Variants in ITGBL1 observed in about 807,000 individuals in gnomAD.
ITGBL1 encodes integrin beta-like protein 1.
A neutral mutation model predicts 68.5 loss-of-function variants in ITGBL1; 51 were observed. That is an observed-to-expected ratio of 0.74 (90% CI 0.59 to 0.94). The LOEUF is 0.94. ITGBL1 is among the 40% of genes least tolerant of loss of function. ITGBL1 has a pLI of 0.00. For missense variants in ITGBL1, 649 were observed against 647.4 expected (o/e 1.00, Z -0.03); for synonymous variants, 209 against 227.3 (o/e 0.92, Z 0.72).
At chr13:101,551,837 G>T (rs1025045135) in intron 2 of ITGBL1, among the ~76,000 whole-genome samples, 2 of 152,158 alleles carry the variant, frequency 1.3e-5, no homozygotes, top group Non-Finnish European at 2.9e-5. Flanking sequence ...TATCTAGAAT[G>T]ATTAAAAATG....
At chr13:101,597,419 CAAAAAAAAAA>C (rs35737952) in intron 6 of ITGBL1, among the ~76,000 whole-genome samples, 1 of 127,250 alleles carries the variant, frequency 7.9e-6, no homozygotes, top group South Asian at 2.5e-4. Context: ...GTCTAAAAAG[CAAAAAAAAAA>C]AAAAAAAAAA....
intron 2 of ITGBL1, among the ~76,000 whole-genome samples, chr13:101,520,847 G>T: frequency 6.6e-6 from 1 of 152,170 alleles, no homozygotes; most frequent in East Asian, 1.9e-4. Flanking sequence ...CATACTAGAG[G>T]CCAGATGTGC....
intron 2 of ITGBL1, among the ~76,000 whole-genome samples, chr13:101,464,918 G>A (rs2048363528): frequency 6.6e-6 from 1 of 152,136 alleles, no homozygotes; most frequent in South Asian, 2.1e-4. Context: ...TTGATATAAA[G>A]GTTGCTTGGG....
At position 101,598,231 on chromosome 13, in the gene ITGBL1, G is replaced by T; in HGVS notation, c.947G>T (p.Cys316Phe). Reference protein sequence around the residue: ...YGKKCEHPQSCTLSAEESIRK... With the variant: ...YGKKCEHPQSFTLSAEESIRK... Reference sequence around the variant, plus strand: ...AAGAAGTGTGAGCACCCACAGTCCTGCACGCTGTCAGCTGAGGAGAGCATC... The same window carrying T: ...AAGAAGTGTGAGCACCCACAGTCCTTCACGCTGTCAGCTGAGGAGAGCATC... Residue 316 changes from cysteine to phenylalanine, a missense_variant, in exon 7 of 11, where the codon TGC (cysteine) becomes TTC (phenylalanine). By Grantham distance (205) the Cys-to-Phe change is radical. Coordinates refer to ENST00000376180, the MANE Select transcript of ITGBL1 (RefSeq NM_004791.3). 2 of 1,613,818 alleles carry T rather than the reference G, an allele frequency of 1.2e-6. No homozygotes were observed. The highest frequency in any genetic ancestry group is 1.1e-5 in the South Asian group (1 of 91,056).
intron 7 of ITGBL1, among the ~76,000 whole-genome samples, chr13:101,663,853 C>G (rs1222606038): frequency 1.3e-5 from 2 of 152,104 alleles, no homozygotes; most frequent in African/African-American, 4.8e-5. Context: ...TGAAAGAACA[C>G]CACAAAATAT....
chr13:101,533,604 T>A (rs913590071), intron 2 of ITGBL1, among the ~76,000 whole-genome samples: 1 of 152,236 alleles, frequency 6.6e-6, no homozygotes, highest in Non-Finnish European at 1.5e-5. Context: ...AACTTTTTGA[T>A]TAGAAGTTAA....
chr13:101,597,191 C>T (rs149674964), intron 6 of ITGBL1, among the ~76,000 whole-genome samples: 6 of 152,058 alleles, frequency 3.9e-5, no homozygotes, highest in East Asian at 1.9e-4. Context: ...GGAATATCTC[C>T]GCATCTCTCT....
intron 6 of ITGBL1, 122 bp downstream of exon 6, chr13:101,583,478 T>G (rs1367561971): frequency 1.5e-6 from 1 of 684,518 alleles, no homozygotes; most frequent in African/African-American, 1.9e-5. Flanking sequence ...CACAATAGGG[T>G]GACTATAGTC....
At chr13:101,700,123 A>G (rs559705952) in intron 8 of ITGBL1, among the ~76,000 whole-genome samples, 27 of 152,280 alleles carry the variant, frequency 1.8e-4, no homozygotes, top group Non-Finnish European at 3.4e-4. Flanking sequence ...CAGCACTAAC[A>G]TGTTCTCTGA....
chr13:101,678,210 G>T (rs1019566627), intron 7 of ITGBL1, among the ~76,000 whole-genome samples: 3 of 152,106 alleles, frequency 2.0e-5, no homozygotes, highest in South Asian at 4.1e-4. Flanking sequence ...GTGTAAACTC[G>T]TATGTATGCA....
intron 2 of ITGBL1, among the ~76,000 whole-genome samples, chr13:101,547,909 G>GTATA (rs34555687): frequency 6.7e-6 from 1 of 149,560 alleles, no homozygotes. Flanking sequence ...CTGTGTGTGT[G>GTATA]TATATATATA....
chr13:101,631,596 G>A (rs1167511814), intron 7 of ITGBL1, among the ~76,000 whole-genome samples: 1 of 152,234 alleles, frequency 6.6e-6, no homozygotes, highest in South Asian at 2.1e-4. Flanking sequence ...GATGTCAAAT[G>A]AGCTAACTAT....
At chr13:101,676,127 C>G (rs933165242) in intron 7 of ITGBL1, among the ~76,000 whole-genome samples, 14 of 151,994 alleles carry the variant, frequency 9.2e-5, no homozygotes, top group Non-Finnish European at 1.9e-4. Flanking sequence ...ATTTTTTAAT[C>G]TCTTTCTATT....
Position 101,715,697 on chromosome 13 carries a change from AT to A in ITGBL1, c.*45del. 1 of 1,296,624 alleles carries A rather than the reference AT, an allele frequency of 7.7e-7. No homozygotes were observed. Among genetic ancestry groups the A allele is most frequent in the Non-Finnish European group, 1.1e-6 (1 of 890,292 alleles). The allele number at this position is 1,296,624 out of a possible 1,614,324, so 80.3% of individuals were successfully genotyped here. A position where few individuals can be genotyped will look rare whatever the true frequency, so the allele number is the denominator to read the frequency against. The stretch of plus-strand genomic sequence containing the variant: ...TCTGGATTCTTATTTTTTCTGGGCC[AT>A]TAGAACAGATAAATGCGAAGGAAAC... On this transcript the variant is annotated 3_prime_UTR_variant, in exon 11 of 11. Transcript: ENST00000376180.
At position 101,645,446 on chromosome 13, in the gene ITGBL1, T is replaced by C. The variant is rs143966413; in HGVS notation, c.1016-47139T>C. On this transcript the variant is annotated intron_variant, in intron 7 of 10. Transcript: ENST00000376180. The stretch of plus-strand genomic sequence containing the variant: ...TCGACAGGATATAGCTATGCCTATC[T>C]GTGAATGAGCCTGGGAATAGAGCTT... Among the ~76,000 whole-genome samples the C allele has an allele frequency of 4.8e-3, 737 of 152,216 alleles. 10 individuals are homozygous for C. Among genetic ancestry groups the C allele is most frequent in the Admixed American group, 0.017 (260 of 15,284 alleles).
At chr13:101,560,267 GC>G (rs1307249273) in intron 2 of ITGBL1, among the ~76,000 whole-genome samples, 1 of 152,132 alleles carries the variant, frequency 6.6e-6, no homozygotes, top group Non-Finnish European at 1.5e-5. Context: ...TATAAACTGA[GC>G]ATATTTGAAT....
In ITGBL1 at chr13:101,603,512, T is replaced by C. The variant is rs555916012; in HGVS notation, c.1015+5213T>C. On this transcript the variant is annotated intron_variant, in intron 7 of 10. Transcript: ENST00000376180. ...CATTATAGTGCTGCATAAGCCATCATGCTTTTAAAGTAACAAAGATTAAAA... is the reference window on the plus strand; with the variant it reads ...CATTATAGTGCTGCATAAGCCATCACGCTTTTAAAGTAACAAAGATTAAAA... Among the ~76,000 whole-genome samples the C allele has an allele frequency of 4.2e-3, 642 of 152,074 alleles. 2 individuals carry two copies. The highest frequency in any genetic ancestry group is 0.015 in the African/African-American group (621 of 41,540).
At chr13:101,577,478 A>G (rs2050382134) in intron 4 of ITGBL1, among the ~76,000 whole-genome samples, 1 of 152,150 alleles carries the variant, frequency 6.6e-6, no homozygotes, top group Admixed American at 6.6e-5. Context: ...ATTGTTACAT[A>G]ATTTTTGCTT....
chr13:101,581,332 A>G (rs1405443775), intron 5 of ITGBL1, among the ~76,000 whole-genome samples: 1 of 152,170 alleles, frequency 6.6e-6, no homozygotes, highest in African/African-American at 2.4e-5. Context: ...AGAGCAATGC[A>G]TATTCATTTT....
Sources: gnomAD v4.1 joint callset for allele counts (sites outside exome capture counted in the v4.1 genomes callset) on GRCh38, gnomAD v4.1.1 for gene constraint, MANE v1.5 for transcripts, NCBI Gene and HGNC (gene_info 2026-07-23, HGNC 2026-07-21) for gene names.